DLGAP2: variants seen among roughly 807,000 people sequenced by gnomAD.
DLGAP2 encodes disks large-associated protein 2.
Under a neutral mutation model 100.3 loss-of-function variants are expected in DLGAP2, and 26 were observed. That is an observed-to-expected ratio of 0.26 (90% CI 0.19 to 0.36). DLGAP2 has a LOEUF of 0.36. Ranked by LOEUF, DLGAP2 falls within the 10% of genes least tolerant of loss-of-function variation. DLGAP2 has a pLI of 1.00. For missense variants in DLGAP2, 1,858 were observed against 1,453.2 expected, an observed-to-expected ratio of 1.28 and a Z score of -4.53; for synonymous variants, 886 against 630.1, an observed-to-expected ratio of 1.41 and a Z score of -6.08.
At chr8:1,341,744 G>C (rs900284923) in intron 3 of DLGAP2, among the ~76,000 whole-genome samples, 4 of 152,144 alleles carry the variant, frequency 2.6e-5, no homozygotes, top group Non-Finnish European at 4.4e-5. Flanking sequence ...ACGTTAGCAG[G>C]GTGTGCTAGC....
intron 2 of DLGAP2, among the ~76,000 whole-genome samples, chr8:1,026,849 G>C (rs1233176456): frequency 6.6e-6 from 1 of 152,148 alleles, no homozygotes; most frequent in African/African-American, 2.4e-5. Context: ...TATTCTAACT[G>C]ACCCCCAACA....
chr8:782,628 C>T (rs377023150), intron 1 of DLGAP2, among the ~76,000 whole-genome samples: 1 of 152,126 alleles, frequency 6.6e-6, no homozygotes, highest in Non-Finnish European at 1.5e-5. Context: ...TGTGAAGAGA[C>T]CTGAAGGCAG....
intron 2 of DLGAP2, among the ~76,000 whole-genome samples, chr8:1,217,202 C>T (rs1039712775): frequency 1.6e-4 from 24 of 152,144 alleles, no homozygotes; most frequent in African/African-American, 4.8e-4. Flanking sequence ...TCAGGGAGAA[C>T]ATGGAGTATT....
chr8:1,648,624 T>C (rs927456637), intron 8 of DLGAP2, among the ~76,000 whole-genome samples: 1 of 152,134 alleles, frequency 6.6e-6, no homozygotes, highest in Non-Finnish European at 1.5e-5. Context: ...CGCTCAAGTC[T>C]GCAGACCTTC....
intron 3 of DLGAP2, among the ~76,000 whole-genome samples, chr8:1,267,598 T>TATAAAATAAAATAAA (rs1563051993): frequency 2.3e-5 from 1 of 43,618 alleles, no homozygotes; most frequent in Non-Finnish European, 4.7e-5. Flanking sequence ...TAAGATAAGA[T>TATAAAATAAAATAAA]AAGATAAGAT....
At chr8:1,421,017 GA>G (rs1156854001) in intron 3 of DLGAP2, among the ~76,000 whole-genome samples, 20 of 152,146 alleles carry the variant, frequency 1.3e-4, no homozygotes, top group African/African-American at 4.3e-4. Context: ...CTCTCAGGAG[GA>G]TGCAAGTTGT....
intron 3 of DLGAP2, among the ~76,000 whole-genome samples, chr8:1,334,303 C>T (rs1276515811): frequency 2.6e-5 from 4 of 152,222 alleles, no homozygotes; most frequent in African/African-American, 9.7e-5. Context: ...TGGCAGCTCC[C>T]TTAGAGCCAT....
chr8:1,447,867 T>G (rs1798025058), intron 3 of DLGAP2, among the ~76,000 whole-genome samples: 1 of 152,266 alleles, frequency 6.6e-6, no homozygotes, highest in South Asian at 2.1e-4. Flanking sequence ...TTCTAGTTTA[T>G]ATACGTAGAG....
Position 930,183 on chromosome 8 carries a change from C to G in DLGAP2, c.73+22217C>G, listed in dbSNP as rs6999905. Among the ~76,000 whole-genome samples, 407 of 152,288 alleles carry G rather than the reference C, an allele frequency of 2.7e-3. 2 individuals are homozygous for G. Among genetic ancestry groups the G allele is most frequent in the African/African-American group, 9.0e-3 (375 of 41,568 alleles). ...AAAAGTGAGTGACTCACTGTAGAAC[C>G]CAGGGCTACGCAGCCCCTTGCCTTC... is the stretch of plus-strand genomic sequence containing the variant. On this transcript the variant is annotated intron_variant, in intron 2 of 14. Coordinates refer to ENST00000637795, the MANE Select transcript of DLGAP2 (RefSeq NM_001346810.2).
chr8:1,436,130 A>G (rs1797616808), intron 3 of DLGAP2, among the ~76,000 whole-genome samples: 1 of 152,186 alleles, frequency 6.6e-6, no homozygotes. Flanking sequence ...TTGACTCACA[A>G]CCACAAGGTG....
intron 1 of DLGAP2, among the ~76,000 whole-genome samples, chr8:782,855 T>G (rs565398935): frequency 1.3e-5 from 2 of 152,342 alleles, no homozygotes; most frequent in East Asian, 3.9e-4. Flanking sequence ...CCGCGTCTGC[T>G]GTGTCCTCAG....
At chr8:933,305 C>G (rs990516906) in intron 2 of DLGAP2, among the ~76,000 whole-genome samples, 1 of 152,222 alleles carries the variant, frequency 6.6e-6, no homozygotes, top group African/African-American at 2.4e-5. Flanking sequence ...GCCATGGTCC[C>G]GGGGGTGAGG....
chr8:1,124,000 G>C (rs1489672469), intron 2 of DLGAP2, among the ~76,000 whole-genome samples: 1 of 150,446 alleles, frequency 6.6e-6, no homozygotes. Flanking sequence ...TTTGGAGGAA[G>C]TGAGAGCGTG....
At chr8:939,126 G>T (rs1164848014) in intron 2 of DLGAP2, among the ~76,000 whole-genome samples, 1 of 145,716 alleles carries the variant, frequency 6.9e-6, no homozygotes, top group Admixed American at 6.8e-5. Context: ...AGGGGCTGGG[G>T]TGCCTGGGAG....
intron 3 of DLGAP2, among the ~76,000 whole-genome samples, chr8:1,318,778 G>GCCCCCCCCCCC (rs34614425): frequency 9.5e-6 from 1 of 105,574 alleles, no homozygotes; most frequent in Non-Finnish European, 1.8e-5. Flanking sequence ...TCAGTGATCA[G>GCCCCCCCCCCC]CCCCCCCCCC....
intron 3 of DLGAP2, among the ~76,000 whole-genome samples, chr8:1,434,516 T>C (rs1378896629): frequency 6.6e-6 from 1 of 152,006 alleles, no homozygotes; most frequent in East Asian, 1.9e-4. Flanking sequence ...TCACTCTGTT[T>C]CCCAGCCTGG....
chr8:910,449 G>C (rs757329426), intron 2 of DLGAP2: 1 of 152,202 alleles, frequency 6.6e-6, no homozygotes, highest in African/African-American at 2.4e-5. Flanking sequence ...TTGTTCAGCT[G>C]CTTGTTCTCA....
At chr8:770,183 C>T (rs906811585) in intron 1 of DLGAP2, among the ~76,000 whole-genome samples, 1 of 152,112 alleles carries the variant, frequency 6.6e-6, no homozygotes, top group Non-Finnish European at 1.5e-5. Context: ...CACAGTGTTG[C>T]TACAATTTGC....
chr8:895,483 C>T (rs1029835858), intron 1 of DLGAP2, among the ~76,000 whole-genome samples: 14 of 152,266 alleles, frequency 9.2e-5, no homozygotes, highest in African/African-American at 2.2e-4. Flanking sequence ...TGAGACCACA[C>T]GCTTGGCGCT....
Sources: allele counts gnomAD v4.1 joint callset (sites outside exome capture counted in the v4.1 genomes callset), GRCh38; gene constraint gnomAD v4.1.1; transcripts MANE v1.5; gene names NCBI Gene and HGNC (gene_info 2026-07-23, HGNC 2026-07-21).